ENTPD5: variants seen among roughly 807,000 people sequenced by gnomAD.
The protein encoded by ENTPD5 is nucleoside diphosphate phosphatase ENTPD5.
A neutral mutation model predicts 60.2 loss-of-function variants in ENTPD5; 49 were observed. The observed-to-expected ratio is 0.81, with a 90% confidence interval of 0.65 to 1.03. The LOEUF is 1.03. Ranked by LOEUF, ENTPD5 falls within the 50% of genes least tolerant of loss-of-function variation. The pLI, the probability that ENTPD5 is intolerant of heterozygous loss-of-function variation, is 0.00. For missense variants in ENTPD5, 480 were observed against 507.6 expected (o/e 0.95, Z 0.52); for synonymous variants, 187 against 185.4 (o/e 1.01, Z -0.07).
At chr14:73,962,875 A>T (rs894956308), downstream of ENTPD5, 1 of 1,054,798 alleles carries the variant, frequency 9.5e-7, no homozygotes, top group Non-Finnish European at 1.5e-6. Context: ...AAACAAGGAC[A>T]CTTGGGAAGA....
intron 3 of ENTPD5, among the ~76,000 whole-genome samples, chr14:74,003,173 A>T (rs146083043): frequency 1.3e-3 from 204 of 152,182 alleles, no homozygotes; most frequent in Middle Eastern, 3.4e-3. Flanking sequence ...TCTTTTTTCC[A>T]CACCACTTAT....
intron 3 of ENTPD5, among the ~76,000 whole-genome samples, chr14:74,004,943 C>T (rs1414506940): frequency 4.6e-5 from 7 of 151,992 alleles, no homozygotes; most frequent in African/African-American, 9.7e-5. Flanking sequence ...AAGCTGTAAC[C>T]AGTATTTGTG....
In ENTPD5 at chr14:73,998,332, C is replaced by T. The variant is rs923516214; in HGVS notation, c.-70-10160G>A. ...CCCTGCTCTTTCTATCTAATAAATA[C>T]GAAGGGCGGTAGAAGCTCAGGGCTG... On this transcript the variant is annotated intron_variant, in intron 3 of 15. Coordinates refer to ENST00000334696, the MANE Select transcript of ENTPD5 (RefSeq NM_001249.5). Among the ~76,000 whole-genome samples the T allele has an allele frequency of 7.2e-5, 11 of 152,108 alleles. 1 individual carries two copies. The highest frequency in any genetic ancestry group is 5.2e-4 in the Admixed American group (8 of 15,258).
At position 73,993,376 on chromosome 14, in the gene ENTPD5, T is replaced by A. The variant is rs1035280391; in HGVS notation, c.-70-5204A>T. On this transcript the variant is annotated intron_variant, in intron 3 of 15. Coordinates refer to ENST00000334696, the MANE Select transcript of ENTPD5 (RefSeq NM_001249.5). ...TAAAATAACTAGATTTGGTCTTAGGTACTACCAAAGCAGAGCTGGAACCAT... is the reference window on the plus strand; with the variant it reads ...TAAAATAACTAGATTTGGTCTTAGGAACTACCAAAGCAGAGCTGGAACCAT... Among the ~76,000 whole-genome samples the A allele has an allele frequency of 3.3e-5, 5 of 152,290 alleles. No homozygotes were observed. In the East Asian group the frequency reaches 9.6e-4, roughly 29 times the overall value.
At chr14:73,982,994 C>T (rs768551618) in intron 6 of ENTPD5, 24 bp downstream of exon 6, 59 of 1,607,832 alleles carry the variant, frequency 3.7e-5, no homozygotes, top group Non-Finnish European at 4.8e-5. Flanking sequence ...GCAGAATGAT[C>T]CAAGATGCAG....
At chr14:74,010,305 A>G (rs1459786301) in intron 3 of ENTPD5, among the ~76,000 whole-genome samples, 6 of 152,200 alleles carry the variant, frequency 3.9e-5, no homozygotes, top group Admixed American at 3.9e-4. Flanking sequence ...CTGTAATCCC[A>G]GCACTTTGGG....
rs1566731594 is a variant in ENTPD5, at chr14:73,983,165, C to T, written c.298-4G>A. 1 of 1,609,134 alleles carries T rather than the reference C, an allele frequency of 6.2e-7. No homozygotes were observed. The highest frequency in any genetic ancestry group is 8.5e-7 in the Non-Finnish European group (1 of 1,177,462). ...GCCCTTGAACGGTCTCAGCACCCTT[C>T]AAAAGAGATAACCCGTTCATCTGAT... On this transcript the variant is annotated splice_polypyrimidine_tract_variant and splice_region_variant and intron_variant, in intron 5 of 15. Coordinates refer to ENST00000334696, the MANE Select transcript of ENTPD5 (RefSeq NM_001249.5).
intron 13 of ENTPD5, among the ~76,000 whole-genome samples, 166 bp downstream of exon 13, chr14:73,972,718 C>G (rs1309348698): frequency 6.6e-6 from 1 of 152,000 alleles, no homozygotes; most frequent in Non-Finnish European, 1.5e-5. Context: ...TTGGTCATCT[C>G]TCACCTCCAA....
intron 5 of ENTPD5, among the ~76,000 whole-genome samples, chr14:73,984,565 T>A (rs1409722249): frequency 2.0e-5 from 3 of 152,222 alleles, no homozygotes; most frequent in African/African-American, 7.2e-5. Flanking sequence ...GAACTTCTAT[T>A]CTGATATCTG....
In ENTPD5 at chr14:74,013,497, A is replaced by AT. The variant is rs370058676; in HGVS notation, c.-131+2326dup. ...AAATATTATGAGATCTTTTTTTGTG[A>AT]TTTTTTTTTAAGCTCATCAGCCATC... On this transcript the variant is annotated intron_variant, in intron 2 of 15. Transcript: ENST00000334696. 1.5e-3 allele frequency among the ~76,000 whole-genome samples: 221 copies of AT among 151,542 alleles called. 1 individual carries two copies. Among genetic ancestry groups the AT allele is most frequent in the African/African-American group, 4.6e-3 (188 of 41,282 alleles).
chr14:73,970,600 G>A (rs1416562390), intron 14 of ENTPD5, among the ~76,000 whole-genome samples: 4 of 152,218 alleles, frequency 2.6e-5, no homozygotes, highest in East Asian at 3.9e-4. Context: ...CTGTAAGACC[G>A]CAGCTTCTGA....
At chr14:73,976,836 C>T (rs1408221318) in intron 8 of ENTPD5, among the ~76,000 whole-genome samples, 188 bp downstream of exon 8, 6 of 152,124 alleles carry the variant, frequency 3.9e-5, no homozygotes, top group Non-Finnish European at 7.4e-5. Context: ...GAACTCCTGG[C>T]CTCAAGTGAT....
intron 3 of ENTPD5, among the ~76,000 whole-genome samples, chr14:73,990,457 C>T (rs2058085084): frequency 1.3e-5 from 2 of 151,754 alleles, no homozygotes; most frequent in Non-Finnish European, 2.9e-5. Flanking sequence ...TCCTTAGCCT[C>T]CCGAGTAGTT....
intron 10 of ENTPD5, 77 bp from the exon 11 acceptor site, chr14:73,975,062 C>G: frequency 9.0e-7 from 1 of 1,116,880 alleles, no homozygotes; most frequent in South Asian, 1.3e-5. Context: ...TCAAAAGTAA[C>G]ATTGTTCCTG....
chr14:73,957,402 T>C (rs1049107764), downstream of ENTPD5, among the ~76,000 whole-genome samples: 1 of 152,212 alleles, frequency 6.6e-6, no homozygotes, highest in African/African-American at 2.4e-5. Context: ...TTTAAATCGC[T>C]TTGTTGACAG....
At position 73,987,948 on chromosome 14, in the gene ENTPD5, A is replaced by AT; in HGVS notation, c.154dup (p.Met52AsnfsTer3). 1 of 1,614,210 alleles carries AT rather than the reference A, an allele frequency of 6.2e-7. No homozygotes were observed. The highest frequency in any genetic ancestry group is 8.5e-7 in the Non-Finnish European group (1 of 1,180,040). Reference sequence around the variant, plus strand: ...AGTTCCAGTGCTCCCTGCATCAAACATAATTCCATACAAGGTGCTGGCGCT... The same window carrying AT: ...AGTTCCAGTGCTCCCTGCATCAAACATTAATTCCATACAAGGTGCTGGCGCT... On this transcript the variant is annotated frameshift_variant, in exon 4 of 16. Coordinates refer to ENST00000334696, the MANE Select transcript of ENTPD5 (RefSeq NM_001249.5). LOFTEE classifies it high-confidence loss of function.
chr14:73,974,937 G>C lies in ENTPD5; in HGVS notation c.771C>G (p.Ala257=). ...LKAARLATLG[A]LETEGTDGHT... ...ACCCAGACAAACCTTCTGTCTCCAG[G>C]GCTCCCAGGGTTGCTAGTCTTGCAG... The change falls in exon 11 of 16, where the codon GCC becomes GCG. Residue 257 remains alanine (A), a synonymous_variant. Coordinates refer to ENST00000334696, the MANE Select transcript of ENTPD5 (RefSeq NM_001249.5). 4 of 1,613,492 alleles carry C rather than the reference G, an allele frequency of 2.5e-6. No individual in the cohort carries two copies. The highest frequency in any genetic ancestry group is 3.4e-6 in the Non-Finnish European group (4 of 1,179,608).
At chr14:73,979,606 G>T (rs970844687) in intron 6 of ENTPD5, among the ~76,000 whole-genome samples, 3 of 151,770 alleles carry the variant, frequency 2.0e-5, no homozygotes, top group African/African-American at 7.3e-5. Flanking sequence ...CGAGTAGCTG[G>T]GACTACAGGT....
intron 3 of ENTPD5, among the ~76,000 whole-genome samples, chr14:74,004,318 C>T (rs1594943404): frequency 6.6e-6 from 1 of 152,056 alleles, no homozygotes; most frequent in African/African-American, 2.4e-5. Flanking sequence ...CAGGCACCCC[C>T]CACCACACCC....
Sources: allele counts gnomAD v4.1 joint callset (sites outside exome capture counted in the v4.1 genomes callset), GRCh38; gene constraint gnomAD v4.1.1; transcripts MANE v1.5; gene names NCBI Gene and HGNC (gene_info 2026-07-23, HGNC 2026-07-21).